The following NFKB1 variants were observed in gnomAD, a reference collection of about 807,000 sequenced individuals.
NFKB1 encodes the protein nuclear factor kappa B subunit 1.
NFKB1 carries 9 observed loss-of-function variants against 105.1 expected under a neutral mutation model. The ratio of observed to expected loss-of-function variants is 0.09; its 90% CI spans 0.05 to 0.15. The LOEUF (loss-of-function observed/expected upper bound fraction) is 0.15. Ranked by LOEUF, NFKB1 falls within the 10% of genes least tolerant of loss-of-function variation. NFKB1 has a pLI of 1.00. For missense variants in NFKB1, 830 were observed against 1,203.7 expected (o/e 0.69, Z 4.59); for synonymous variants, 440 against 442.2 (o/e 1.00, Z 0.06).
intron 8 of NFKB1, among the ~76,000 whole-genome samples, chr4:102,579,650 T>C (rs13149243): frequency 3.5e-5 from 5 of 142,530 alleles, no homozygotes; most frequent in Non-Finnish European, 7.6e-5. Flanking sequence ...AAAAAAAATA[T>C]ATATATATAT....
chr4:102,529,913 A>G lies in NFKB1; in HGVS notation c.117A>G (p.Thr39=). The G allele has an allele frequency of 1.9e-6, 3 of 1,605,664 alleles. No homozygotes were observed. The highest frequency in any genetic ancestry group is 2.7e-5 in the African/African-American group (2 of 74,766). Residue 39 remains threonine, a splice_region_variant and synonymous_variant, in exon 3 of 24, where the codon ACA becomes ACG. Transcript: ENST00000226574. ...TTCAACCACAGATGGCACTGCCAAC[A>G]GGTAAGAAAACTCATCCCTGTTACC... The part of the protein sequence containing the change: ...EVFQPQMALP[T]ADGPYLQILE...
chr4:102,525,629 T>G, intron 2 of NFKB1, 72 bp downstream of exon 2: 4 of 1,342,094 alleles, frequency 3.0e-6, no homozygotes, highest in Admixed American at 4.1e-5. Flanking sequence ...AAGGCAACAT[T>G]AGTAAGTTAG....
In NFKB1 at chr4:102,611,078, A is replaced by G. The variant is rs529607329; in HGVS notation, c.2352+379A>G. On this transcript the variant is annotated intron_variant, in intron 20 of 23. Transcript: ENST00000226574. Reference sequence around the variant, plus strand: ...CTTAGGTAAGTGATTTCAGGATGTAAAAATAAACTAAGAATTCTTCTTAGA... The same window carrying G: ...CTTAGGTAAGTGATTTCAGGATGTAGAAATAAACTAAGAATTCTTCTTAGA... 2.6e-5 allele frequency among the ~76,000 whole-genome samples: 4 copies of G among 152,324 alleles called. 1 individual carries two copies. The South Asian group carries it at 8.3e-4, about 32-fold the overall frequency.
At position 102,599,435 on chromosome 4, in the gene NFKB1, A is replaced by G. The variant is rs955286007; in HGVS notation, c.1638-1460A>G. ...ATTGCTAAGGAAGAGGCTTGAGTAA[A>G]GTGGCACCTGATAGCTTATTTTAGA... On this transcript the variant is annotated intron_variant, in intron 15 of 23. Coordinates refer to ENST00000226574, the MANE Select transcript of NFKB1 (RefSeq NM_003998.4). Among the ~76,000 whole-genome samples, 4 of 152,206 alleles carry G rather than the reference A, an allele frequency of 2.6e-5. No homozygotes were observed. In the South Asian group the frequency reaches 8.3e-4, roughly 32 times the overall value.
At chr4:102,607,930 A>T (rs1727970361) in intron 19 of NFKB1, among the ~76,000 whole-genome samples, 179 bp downstream of exon 19, 1 of 152,198 alleles carries the variant, frequency 6.6e-6, no homozygotes, top group South Asian at 2.1e-4. Context: ...TTGGACTAGT[A>T]ATCTTGGGCT....
At chr4:102,585,360 T>A (rs553155332) in intron 11 of NFKB1, among the ~76,000 whole-genome samples, 7 of 152,220 alleles carry the variant, frequency 4.6e-5, no homozygotes, top group Non-Finnish European at 1.0e-4. Context: ...AAAATAATGT[T>A]ATTTCCACCA....
intron 1 of NFKB1, among the ~76,000 whole-genome samples, chr4:102,506,613 T>C (rs1270922688): frequency 6.6e-6 from 1 of 152,198 alleles, no homozygotes; most frequent in Non-Finnish European, 1.5e-5. Flanking sequence ...GAACCATTTA[T>C]TTTTTTGTGG....
chr4:102,569,269 TG>T (rs947102521), intron 6 of NFKB1, among the ~76,000 whole-genome samples: 36 of 152,130 alleles, frequency 2.4e-4, no homozygotes, highest in African/African-American at 8.2e-4. Context: ...AACAGAGGAC[TG>T]GGGGCAAGTT....
intron 8 of NFKB1, 74 bp from the exon 9 acceptor site, chr4:102,580,461 G>A: frequency 1.7e-6 from 2 of 1,178,628 alleles, no homozygotes; most frequent in Admixed American, 1.7e-5. Context: ...GCTAAGGGGA[G>A]GGTCCTACCT....
In NFKB1 at chr4:102,591,419, C is replaced by CAAAA. The variant is rs59255093; in HGVS notation, c.1067-1991_1067-1988dup. On this transcript the variant is annotated intron_variant, in intron 11 of 23. Coordinates refer to ENST00000226574, the MANE Select transcript of NFKB1 (RefSeq NM_003998.4). ...TGGGCAACAGAGTGAGACCCTGGCT[C>CAAAA]AAAAAAAAAAAAAAAAAAGGCAGAC... Among the ~76,000 whole-genome samples the CAAAA allele has an allele frequency of 6.5e-3, 659 of 101,614 alleles. 6 individuals are homozygous for CAAAA. Among genetic ancestry groups the CAAAA allele is most frequent in the East Asian group, 0.013 (48 of 3,614 alleles). 66.7% of individuals were successfully genotyped at this position (101,614 alleles called of 152,430 possible).
intron 19 of NFKB1, among the ~76,000 whole-genome samples, chr4:102,609,388 G>A (rs558353362): frequency 6.6e-6 from 1 of 151,910 alleles, no homozygotes; most frequent in Non-Finnish European, 1.5e-5. Flanking sequence ...AGGGTGGGTG[G>A]ATCACCTGAG....
At chr4:102,555,012 T>C (rs1046432510) in intron 5 of NFKB1, among the ~76,000 whole-genome samples, 1 of 152,130 alleles carries the variant, frequency 6.6e-6, no homozygotes, top group African/African-American at 2.4e-5. Context: ...CAAAAAATAA[T>C]CCTTTTAGGA....
At chr4:102,502,384 GCGCGCGCA>G (rs1270022918) in intron 1 of NFKB1, among the ~76,000 whole-genome samples, 4 of 102,470 alleles carry the variant, frequency 3.9e-5, no homozygotes, top group South Asian at 3.4e-4. Context: ...GTGCGCGCGC[GCGCGCGCA>G]CACACACACA....
In NFKB1 at chr4:102,501,430, C is replaced by G. The variant is rs1399392367; in HGVS notation, c.-366C>G. The G allele has an allele frequency of 6.6e-6, 1 of 151,082 alleles. No homozygotes were observed. Among genetic ancestry groups the G allele is most frequent in the Non-Finnish European group, 1.5e-5 (1 of 67,632 alleles). 9.4% of individuals were successfully genotyped at this position (151,082 alleles called of 1,614,324 possible). A position where few individuals can be genotyped will look rare whatever the true frequency, so the allele number is the denominator to read the frequency against. On this transcript the variant is annotated 5_prime_UTR_variant, in exon 1 of 24. Transcript: ENST00000226574. ...GAGCGGCCCGGCGACGCGCTGACAG[C>G]TTCCCCTGCCCTTCCCGTCGGTCGG...
intron 2 of NFKB1, among the ~76,000 whole-genome samples, chr4:102,526,063 A>G (rs968598663): frequency 9.9e-5 from 15 of 152,132 alleles, no homozygotes; most frequent in African/African-American, 3.6e-4. Flanking sequence ...GCGTGTCTCT[A>G]CTGTGTCTCT....
At chr4:102,550,132 G>T (rs939448875) in intron 5 of NFKB1, among the ~76,000 whole-genome samples, 2 of 151,760 alleles carry the variant, frequency 1.3e-5, no homozygotes, top group African/African-American at 2.4e-5. Flanking sequence ...GTTATTCATT[G>T]TACTATAAGC....
intron 1 of NFKB1, chr4:102,510,940 G>A (rs1316353446): frequency 8.6e-6 from 11 of 1,284,458 alleles, no homozygotes; most frequent in Non-Finnish European, 1.1e-5. Flanking sequence ...GATATGAAAA[G>A]AACCACCAGG....
At chr4:102,582,604 C>A (rs1725399064) in intron 9 of NFKB1, among the ~76,000 whole-genome samples, 1 of 151,802 alleles carries the variant, frequency 6.6e-6, no homozygotes, top group African/African-American at 2.4e-5. Context: ...GCAGTAAGGT[C>A]AAAGATTAAA....
intron 1 of NFKB1, among the ~76,000 whole-genome samples, chr4:102,520,488 C>T (rs1412061952): frequency 6.6e-6 from 1 of 152,156 alleles, no homozygotes; most frequent in Non-Finnish European, 1.5e-5. Flanking sequence ...CTTATCTTTA[C>T]CAGCTCCAAG....
Sources: gnomAD v4.1 joint callset for allele counts (sites outside exome capture counted in the v4.1 genomes callset) on GRCh38, gnomAD v4.1.1 for gene constraint, MANE v1.5 for transcripts, NCBI Gene and HGNC (gene_info 2026-07-23, HGNC 2026-07-21) for gene names.